BBS9: variants seen among roughly 807,000 people sequenced by gnomAD.
BBS9 encodes the protein Bardet-Biedl syndrome 9, also known as protein PTHB1.
Under a neutral mutation model 117.7 loss-of-function variants are expected in BBS9, and 89 were observed. The ratio of observed to expected loss-of-function variants is 0.76; its 90% CI spans 0.64 to 0.90. The LOEUF (loss-of-function observed/expected upper bound fraction) is 0.90, where lower values mean the gene tolerates loss of function less well. BBS9 is among the 40% of genes least tolerant of loss of function. The pLI, the probability that BBS9 is intolerant of heterozygous loss-of-function variation, is 0.00. For synonymous variants in BBS9, 379 were observed against 370.9 expected, an observed-to-expected ratio of 1.02 and a Z score of -0.25; for missense variants, 982 against 1,042.2, an observed-to-expected ratio of 0.94 and a Z score of 0.80.
At chr7:33,518,331 A>G (rs1006142417) in intron 20 of BBS9, among the ~76,000 whole-genome samples, 6 of 146,398 alleles carry the variant, frequency 4.1e-5, no homozygotes, top group African/African-American at 1.5e-4. Context: ...GCTCACTGCA[A>G]CCTCTGCCTC....
At chr7:33,170,762 A>G (rs1796424907) in intron 4 of BBS9, among the ~76,000 whole-genome samples, 2 of 149,286 alleles carry the variant, frequency 1.3e-5, no homozygotes, top group East Asian at 2.0e-4. Flanking sequence ...AAGTCTCAGG[A>G]TACAAAATCA....
chr7:33,515,624 T>C (rs141425911), intron 20 of BBS9, among the ~76,000 whole-genome samples: 122 of 152,340 alleles, frequency 8.0e-4, no homozygotes, highest in African/African-American at 2.6e-3. Flanking sequence ...GCTCTCACAA[T>C]AGTCCTACAT....
chr7:33,535,828 G>A (rs1851278458), intron 21 of BBS9, among the ~76,000 whole-genome samples: 1 of 152,134 alleles, frequency 6.6e-6, no homozygotes. Context: ...AAAATTTGAA[G>A]AGGGATGGGA....
At chr7:33,449,162 T>C (rs1193087587) in intron 19 of BBS9, among the ~76,000 whole-genome samples, 3 of 152,144 alleles carry the variant, frequency 2.0e-5, no homozygotes, top group Admixed American at 6.5e-5. Context: ...TCAATCGTGG[T>C]AGTTGTGCTG....
At chr7:33,571,335 A>G (rs1171330199) in intron 21 of BBS9, among the ~76,000 whole-genome samples, 1 of 151,988 alleles carries the variant, frequency 6.6e-6, no homozygotes. Flanking sequence ...AACTACTGAA[A>G]GAACAGAATA....
intron 21 of BBS9, among the ~76,000 whole-genome samples, chr7:33,537,145 G>A (rs1851573085): frequency 6.6e-6 from 1 of 152,164 alleles, no homozygotes; most frequent in Non-Finnish European, 1.5e-5. Context: ...TAAGTGTTCA[G>A]TATTAAAAGG....
chr7:33,631,125 A>G (rs1005927320), intron 21 of BBS9, among the ~76,000 whole-genome samples: 1 of 152,138 alleles, frequency 6.6e-6, no homozygotes, highest in Non-Finnish European at 1.5e-5. Flanking sequence ...TGAGGCCCTG[A>G]GACCAGGAGG....
At chr7:33,465,378 C>T (rs549626781) in intron 19 of BBS9, among the ~76,000 whole-genome samples, 55 of 151,810 alleles carry the variant, frequency 3.6e-4, no homozygotes, top group African/African-American at 1.3e-3. Context: ...GGGTGGGGCA[C>T]TGTGAACTGC....
At chr7:33,217,857 C>T (rs1264246505) in intron 5 of BBS9, among the ~76,000 whole-genome samples, 7 of 152,010 alleles carry the variant, frequency 4.6e-5, no homozygotes, top group Non-Finnish European at 1.5e-5. Context: ...TTGAAATGGA[C>T]ATTTCTGGCT....
At chr7:33,562,023 C>T (rs1856161124) in intron 21 of BBS9, among the ~76,000 whole-genome samples, 1 of 152,142 alleles carries the variant, frequency 6.6e-6, no homozygotes, top group Admixed American at 6.5e-5. Context: ...AGGAATAATC[C>T]TGGGCTGAAA....
intron 21 of BBS9, among the ~76,000 whole-genome samples, chr7:33,538,670 A>G (rs1160703595): frequency 6.6e-6 from 1 of 152,086 alleles, no homozygotes; most frequent in Non-Finnish European, 1.5e-5. Flanking sequence ...GAATTTTTAT[A>G]AGTTTGAAGT....
intron 9 of BBS9, among the ~76,000 whole-genome samples, chr7:33,316,812 C>T (rs933064759): frequency 1.3e-5 from 2 of 152,106 alleles, no homozygotes; most frequent in Non-Finnish European, 2.9e-5. Context: ...ATATTTTCTC[C>T]CAGTCCTTGG....
chr7:33,399,220 CTTTA>C (rs994911589), intron 19 of BBS9, among the ~76,000 whole-genome samples: 4 of 151,828 alleles, frequency 2.6e-5, no homozygotes, highest in African/African-American at 7.3e-5. Context: ...TGTCTTTTTT[CTTTA>C]TTTTTTTTTC....
intron 9 of BBS9, among the ~76,000 whole-genome samples, chr7:33,317,914 G>T (rs939161024): frequency 1.3e-5 from 2 of 152,130 alleles, no homozygotes; most frequent in Non-Finnish European, 2.9e-5. Flanking sequence ...GCTGGGGATG[G>T]TGGTGTGTCC....
chr7:33,470,190 T>C (rs1840787878), intron 19 of BBS9, among the ~76,000 whole-genome samples: 1 of 152,160 alleles, frequency 6.6e-6, no homozygotes, highest in Non-Finnish European at 1.5e-5. Flanking sequence ...ACTTTGCCTT[T>C]TCATAACAAT....
At chr7:33,624,829 G>A (rs941108153) in intron 21 of BBS9, among the ~76,000 whole-genome samples, 2 of 151,848 alleles carry the variant, frequency 1.3e-5, no homozygotes, top group South Asian at 2.1e-4. Context: ...CTGGGTGTAG[G>A]TCATCCTGAT....
intron 19 of BBS9, among the ~76,000 whole-genome samples, chr7:33,396,410 A>G (rs1025541567): frequency 6.6e-6 from 1 of 152,180 alleles, no homozygotes; most frequent in East Asian, 1.9e-4. Flanking sequence ...GTATATAATA[A>G]GTTACAAATA....
intron 5 of BBS9, among the ~76,000 whole-genome samples, chr7:33,183,733 G>C (rs1798406182): frequency 6.6e-6 from 1 of 152,250 alleles, no homozygotes; most frequent in Admixed American, 6.5e-5. Flanking sequence ...AGATGGCTGA[G>C]AACAAGAGAA....
At chr7:33,217,563 A>T (rs1476787118) in intron 5 of BBS9, among the ~76,000 whole-genome samples, 1 of 152,244 alleles carries the variant, frequency 6.6e-6, no homozygotes, top group Non-Finnish European at 1.5e-5. Flanking sequence ...AATGTTCATA[A>T]TACAAATACA....
Sources: gnomAD v4.1 joint callset for allele counts (sites outside exome capture counted in the v4.1 genomes callset) on GRCh38, gnomAD v4.1.1 for gene constraint, MANE v1.5 for transcripts, NCBI Gene and HGNC (gene_info 2026-07-23, HGNC 2026-07-21) for gene names.